CPM: variants seen among roughly 807,000 people sequenced by gnomAD.
CPM encodes renal carboxypeptidase.
In CPM, 35 loss-of-function variants were observed where a neutral mutation model predicts 46.4. The ratio of observed to expected loss-of-function variants is 0.75; its 90% CI spans 0.58 to 1.00. The LOEUF is 1.00. CPM is among the 50% of genes least tolerant of loss of function. The pLI is 0.00. For synonymous variants in CPM, 195 were observed against 195.3 expected (o/e 1.00, Z 0.01); for missense variants, 422 against 530.4 (o/e 0.80, Z 2.01).
At chr12:68,895,113 C>G (rs1255816400) in intron 2 of CPM, among the ~76,000 whole-genome samples, 1 of 151,466 alleles carries the variant, frequency 6.6e-6, no homozygotes, top group Non-Finnish European at 1.5e-5. Context: ...TGCTCCCCTG[C>G]TGTGTCTACC....
intron 3 of CPM, among the ~76,000 whole-genome samples, chr12:68,872,768 A>T (rs556784980): frequency 1.3e-5 from 2 of 151,748 alleles, no homozygotes; most frequent in East Asian, 3.9e-4. Flanking sequence ...GGGTCTTGCT[A>T]TGTTGCTAAG....
rs1592708672 is a variant in CPM, at chr12:68,932,709, A to G, written c.129T>C (p.Thr43=). Residue 43 remains threonine (T), a synonymous_variant, in exon 2 of 9, where the codon ACT becomes ACC. Coordinates refer to ENST00000551568, the MANE Select transcript of CPM (RefSeq NM_198320.5). ...KTVAQNYSSV[T]HLHSIGKSVK... ...CAGATTTCCCAATACTGTGTAAGTG[A>G]GTGACAGAACTGTAGTTTTGGGCAA... The G allele has an allele frequency of 6.2e-7, 1 of 1,614,222 alleles. No homozygotes were observed. The highest frequency in any genetic ancestry group is 2.2e-5 in the East Asian group (1 of 44,884).
In CPM at chr12:68,871,818, C is replaced by T. The variant is rs7309831; in HGVS notation, c.397G>A (p.Val133Ile). Residue 133 changes from valine to isoleucine, a missense_variant, in exon 4 of 9, where the codon GTC becomes ATC. Coordinates refer to ENST00000551568, the MANE Select transcript of CPM (RefSeq NM_198320.5). ...PSMNPDGFEA[V>I]KKPDCYYSIG... is the part of the protein sequence containing the mutation. Reference sequence around the variant, plus strand: ...CTGTAATAACAGTCAGGCTTTTTGACGGCTTCAAATCCATCTGGGTTCATG... The same window carrying T: ...CTGTAATAACAGTCAGGCTTTTTGATGGCTTCAAATCCATCTGGGTTCATG... 4,309 of 1,614,132 alleles carry T rather than the reference C, an allele frequency of 2.7e-3. 98 individuals are homozygous for T. In the African/African-American group the frequency reaches 0.051, roughly 19 times the overall value.
intron 2 of CPM, among the ~76,000 whole-genome samples, chr12:68,894,569 T>G (rs1886790600): frequency 6.6e-6 from 1 of 152,190 alleles, no homozygotes; most frequent in Admixed American, 6.5e-5. Flanking sequence ...TTAAAATGGC[T>G]TCATTGGATT....
intron 2 of CPM, among the ~76,000 whole-genome samples, chr12:68,928,619 C>T (rs958555130): frequency 2.0e-5 from 3 of 152,134 alleles, no homozygotes; most frequent in Admixed American, 1.3e-4. Flanking sequence ...ACAGAGACTA[C>T]TAAATTTGGC....
At chr12:68,903,895 T>C (rs1321322790) in intron 2 of CPM, among the ~76,000 whole-genome samples, 7 of 151,352 alleles carry the variant, frequency 4.6e-5, no homozygotes, top group Non-Finnish European at 8.8e-5. Context: ...TCTTTCTTTC[T>C]TTCTTTCTTT....
At chr12:68,899,856 C>T (rs188512549) in intron 2 of CPM, among the ~76,000 whole-genome samples, 4 of 152,248 alleles carry the variant, frequency 2.6e-5, no homozygotes, top group African/African-American at 9.6e-5. Flanking sequence ...TTAGGAGATG[C>T]ATATTGGTGT....
At chr12:68,939,702 G>A (rs1422207359) in intron 1 of CPM, among the ~76,000 whole-genome samples, 2 of 152,024 alleles carry the variant, frequency 1.3e-5, no homozygotes, top group Non-Finnish European at 2.9e-5. Flanking sequence ...AACAAATTAT[G>A]CAATCATATT....
At chr12:68,952,144 A>T (rs1260071346) in intron 1 of CPM, among the ~76,000 whole-genome samples, 1 of 152,212 alleles carries the variant, frequency 6.6e-6, no homozygotes, top group Non-Finnish European at 1.5e-5. Context: ...CTACTTAAAG[A>T]TTGCTTTTTT....
chr12:68,848,728 G>T (rs1041830593), downstream of CPM: 1 of 151,630 alleles, frequency 6.6e-6, no homozygotes, highest in Non-Finnish European at 1.5e-5. Flanking sequence ...TGTTTTTTTG[G>T]GGGGGACGAA....
chr12:68,893,845 G>A (rs1003549928), intron 2 of CPM, among the ~76,000 whole-genome samples: 2 of 152,274 alleles, frequency 1.3e-5, no homozygotes, highest in East Asian at 1.9e-4. Context: ...GAACTCAGTG[G>A]TCCCCAGGGG....
Position 68,868,552 on chromosome 12 carries a change from C to T in CPM, c.787+773G>A, listed in dbSNP as rs556824028. Among the ~76,000 whole-genome samples, 14 of 152,238 alleles carry T rather than the reference C, an allele frequency of 9.2e-5. 1 individual carries two copies. The East Asian group carries it at 1.5e-3, about 17-fold the overall frequency. On this transcript the variant is annotated intron_variant, in intron 6 of 8. Coordinates refer to ENST00000551568, the MANE Select transcript of CPM (RefSeq NM_198320.5). ...CAGTCCGTCTCTCCTCCTGTCCTTC[C>T]ACCCTAGGTCCCTCCTACCCCGGGT...
chr12:68,942,152 T>C (rs927582507), intron 1 of CPM, among the ~76,000 whole-genome samples: 1 of 152,236 alleles, frequency 6.6e-6, no homozygotes, highest in African/African-American at 2.4e-5. Flanking sequence ...TTTAGAACTG[T>C]ATGTCTTTTT....
At chr12:68,859,212 A>G (rs1885107020) in intron 7 of CPM, 141 bp from the exon 8 acceptor site, 1 of 439,750 alleles carries the variant, frequency 2.3e-6, no homozygotes, top group South Asian at 1.0e-4. Context: ...AGAGAGGGAA[A>G]AAACTTATTT....
intron 3 of CPM, among the ~76,000 whole-genome samples, chr12:68,876,482 T>C (rs1166479713): frequency 6.6e-6 from 1 of 152,204 alleles, no homozygotes; most frequent in Admixed American, 6.5e-5. Flanking sequence ...AATTAAGTCT[T>C]TGACAGGAAA....
chr12:68,952,095 C>A (rs1888944557), intron 1 of CPM, among the ~76,000 whole-genome samples: 1 of 152,168 alleles, frequency 6.6e-6, no homozygotes, highest in African/African-American at 2.4e-5. Flanking sequence ...ACTTCATATC[C>A]AAGTGATAAT....
chr12:68,873,054 C>G (rs1885780036), intron 3 of CPM, among the ~76,000 whole-genome samples: 1 of 152,162 alleles, frequency 6.6e-6, no homozygotes, highest in South Asian at 2.1e-4. Flanking sequence ...TAGACTACAT[C>G]AAATTCTCCC....
chr12:68,908,843 C>T (rs1181864641), intron 2 of CPM, among the ~76,000 whole-genome samples: 1 of 152,012 alleles, frequency 6.6e-6, no homozygotes, highest in East Asian at 1.9e-4. Flanking sequence ...AAAGACAAGC[C>T]ACAGAAGAGG....
At chr12:68,942,101 TA>T (rs1450244524) in intron 1 of CPM, among the ~76,000 whole-genome samples, 2 of 152,376 alleles carry the variant, frequency 1.3e-5, no homozygotes, top group African/African-American at 4.8e-5. Context: ...GTGCATCTTT[TA>T]AAAATTGTTC....
Sources: gnomAD v4.1 joint callset for allele counts (sites outside exome capture counted in the v4.1 genomes callset) on GRCh38, gnomAD v4.1.1 for gene constraint, MANE v1.5 for transcripts, NCBI Gene and HGNC (gene_info 2026-07-23, HGNC 2026-07-21) for gene names.